Variants in PLA2G4A observed in about 807,000 individuals in gnomAD.
PLA2G4A encodes the protein phospholipase A2 group IVA.
In PLA2G4A, 40 loss-of-function variants were observed where a neutral mutation model predicts 81.9. The ratio of observed to expected loss-of-function variants is 0.49; its 90% CI spans 0.38 to 0.64. The LOEUF (loss-of-function observed/expected upper bound fraction) is 0.64, where lower values mean the gene tolerates loss of function less well. PLA2G4A is among the 30% of genes least tolerant of loss of function. PLA2G4A has a pLI of 0.00. For synonymous variants in PLA2G4A, 302 were observed against 296.9 expected (o/e 1.02, Z -0.18); for missense variants, 715 against 905.1 (o/e 0.79, Z 2.69).
At chr1:186,834,606 T>C (rs1227363087) in intron 1 of PLA2G4A, among the ~76,000 whole-genome samples, 2 of 152,174 alleles carry the variant, frequency 1.3e-5, no homozygotes, top group Non-Finnish European at 2.9e-5. Context: ...ACTTGATTAC[T>C]GATTGACGTA....
intron 17 of PLA2G4A, among the ~76,000 whole-genome samples, chr1:186,985,472 A>C (rs190406441): frequency 6.6e-6 from 1 of 152,194 alleles, no homozygotes; most frequent in Non-Finnish European, 1.5e-5. Context: ...ATATCTTCTC[A>C]TGTTCTCCTA....
chr1:186,962,733 G>T (rs1657002015), intron 14 of PLA2G4A, among the ~76,000 whole-genome samples: 1 of 152,040 alleles, frequency 6.6e-6, no homozygotes, highest in Admixed American at 6.5e-5. Flanking sequence ...TGTTAGTCAG[G>T]ATGGTCTCGA....
chr1:186,869,533 A>T (rs1378724999), intron 2 of PLA2G4A, among the ~76,000 whole-genome samples: 1 of 152,134 alleles, frequency 6.6e-6, no homozygotes, highest in Admixed American at 6.6e-5. Flanking sequence ...GCTGGTCCTT[A>T]TCAATCTGTC....
At chr1:186,899,427 G>A (rs1323143967) in intron 5 of PLA2G4A, among the ~76,000 whole-genome samples, 1 of 152,146 alleles carries the variant, frequency 6.6e-6, no homozygotes, top group African/African-American at 2.4e-5. Context: ...CTTAAAGAAA[G>A]GGTGTGGTTG....
At chr1:186,907,758 A>G (rs984994919) in intron 6 of PLA2G4A, among the ~76,000 whole-genome samples, 3 of 152,222 alleles carry the variant, frequency 2.0e-5, no homozygotes, top group Admixed American at 6.5e-5. Context: ...GGGTTTAGGC[A>G]TTTGTTTATT....
intron 1 of PLA2G4A, among the ~76,000 whole-genome samples, chr1:186,849,151 G>A (rs1652288791): frequency 6.6e-6 from 1 of 152,026 alleles, no homozygotes; most frequent in South Asian, 2.1e-4. Context: ...CTATTCTGTG[G>A]ATTCTTTATG....
intron 5 of PLA2G4A, among the ~76,000 whole-genome samples, chr1:186,902,990 G>A (rs1654602995): frequency 6.6e-6 from 1 of 152,136 alleles, no homozygotes; most frequent in Non-Finnish European, 1.5e-5. Context: ...TGTATTGATA[G>A]GGTTGTAATT....
chr1:186,860,177 A>C (rs951081682), intron 2 of PLA2G4A, among the ~76,000 whole-genome samples: 2 of 152,132 alleles, frequency 1.3e-5, no homozygotes, highest in African/African-American at 4.8e-5. Flanking sequence ...TGTGGTATTA[A>C]TTAATTTATT....
chr1:186,857,169 T>A (rs1391028477), intron 2 of PLA2G4A, among the ~76,000 whole-genome samples: 1 of 194 alleles, frequency 5.2e-3, no homozygotes, highest in African/African-American at 0.011. Flanking sequence ...TATAATATAA[T>A]TATATAATAT....
chr1:186,962,910 A>C lies in PLA2G4A; in HGVS notation c.1580-2499A>C, dbSNP rs147699158. ...AAAGTAATAGTGTCACACCGTGCTT[A>C]GGGCTTAGACCTTGTGAACCTGGCT... On this transcript the variant is annotated intron_variant, in intron 14 of 17. Coordinates refer to ENST00000367466, the MANE Select transcript of PLA2G4A (RefSeq NM_024420.3). Among the ~76,000 whole-genome samples, 4 of 152,308 alleles carry C rather than the reference A, an allele frequency of 2.6e-5. No homozygotes were observed. In the East Asian group the frequency reaches 7.7e-4, roughly 29 times the overall value.
chr1:186,928,304 C>G (rs1024363248), intron 7 of PLA2G4A, among the ~76,000 whole-genome samples: 1 of 152,124 alleles, frequency 6.6e-6, no homozygotes, highest in Admixed American at 6.6e-5. Context: ...ATATCAGAAG[C>G]AATGGAGAAG....
At chr1:186,929,673 T>C (rs528807860) in intron 7 of PLA2G4A, among the ~76,000 whole-genome samples, 3 of 152,326 alleles carry the variant, frequency 2.0e-5, no homozygotes, top group East Asian at 3.9e-4. Context: ...AGCTTTGTTA[T>C]GTGGCAGACC....
chr1:186,902,576 T>A (rs1654584240), intron 5 of PLA2G4A, among the ~76,000 whole-genome samples: 1 of 152,044 alleles, frequency 6.6e-6, no homozygotes, highest in African/African-American at 2.4e-5. Context: ...CACGTACACA[T>A]CCAGGTAGCC....
At chr1:186,950,458 A>G (rs1656515915) in intron 12 of PLA2G4A, among the ~76,000 whole-genome samples, 199 bp from the exon 13 acceptor site, 2 of 152,160 alleles carry the variant, frequency 1.3e-5, no homozygotes, top group Admixed American at 1.3e-4. Context: ...TTCATGTCCC[A>G]GGAAATTTTG....
At chr1:186,976,838 T>C (rs542972750) in intron 15 of PLA2G4A, among the ~76,000 whole-genome samples, 6 of 152,356 alleles carry the variant, frequency 3.9e-5, no homozygotes, top group African/African-American at 1.4e-4. Flanking sequence ...CGTAGCTGAC[T>C]GCGAACACGT....
At chr1:186,913,661 C>A (rs916871129) in intron 7 of PLA2G4A, among the ~76,000 whole-genome samples, 9 of 151,990 alleles carry the variant, frequency 5.9e-5, no homozygotes, top group Admixed American at 5.2e-4. Context: ...CATAAGTAAA[C>A]ATATATGTGC....
chr1:186,912,732 A>ATATT (rs1654994038), intron 7 of PLA2G4A, among the ~76,000 whole-genome samples: 1 of 144,414 alleles, frequency 6.9e-6, no homozygotes, highest in Non-Finnish European at 1.5e-5. Context: ...TTATATATAC[A>ATATT]TATATATACA....
chr1:186,903,990 G>A (rs925602536), intron 5 of PLA2G4A, among the ~76,000 whole-genome samples: 1 of 152,122 alleles, frequency 6.6e-6, no homozygotes, highest in African/African-American at 2.4e-5. Flanking sequence ...GTTGCTTTAA[G>A]CTTCACTATT....
intron 3 of PLA2G4A, among the ~76,000 whole-genome samples, chr1:186,885,035 C>T (rs1277648737): frequency 6.6e-6 from 1 of 151,978 alleles, no homozygotes; most frequent in Non-Finnish European, 1.5e-5. Context: ...GCCAATAATC[C>T]AGCAGAGCTT....
Sources: allele counts gnomAD v4.1 joint callset (sites outside exome capture counted in the v4.1 genomes callset), GRCh38; gene constraint gnomAD v4.1.1; transcripts MANE v1.5; gene names NCBI Gene and HGNC (gene_info 2026-07-23, HGNC 2026-07-21).